Variants in NLRP11 observed in about 807,000 individuals in gnomAD.
The protein encoded by NLRP11 is NLR family pyrin domain containing 11.
In NLRP11, 53 loss-of-function variants were observed where a neutral mutation model predicts 79.3. The ratio of observed to expected loss-of-function variants is 0.67; its 90% CI spans 0.54 to 0.84. The LOEUF is 0.84. Ranked by LOEUF, NLRP11 falls within the 40% of genes least tolerant of loss-of-function variation. NLRP11 has a pLI of 0.00. For missense variants in NLRP11, 1,264 were observed against 1,255.0 expected (o/e 1.01, Z -0.11); for synonymous variants, 518 against 462.6 (o/e 1.12, Z -1.54).
chr19:55,818,849 G>A (rs1282510121), intron 1 of NLRP11, among the ~76,000 whole-genome samples: 3 of 152,012 alleles, frequency 2.0e-5, no homozygotes, highest in African/African-American at 7.3e-5. Flanking sequence ...ACAGCCCCTA[G>A]GTTATTTTTT....
intron 6 of NLRP11, among the ~76,000 whole-genome samples, chr19:55,792,761 G>A (rs935438251): frequency 7.2e-5 from 11 of 152,152 alleles, no homozygotes; most frequent in East Asian, 3.8e-4. Context: ...TTCTCCCATC[G>A]TTTGATAAAG....
chr19:55,788,078 G>A (rs780853537), intron 9 of NLRP11, among the ~76,000 whole-genome samples: 4 of 152,174 alleles, frequency 2.6e-5, no homozygotes, highest in Non-Finnish European at 5.9e-5. Flanking sequence ...CAAGTTGGTG[G>A]TAACATACTT....
intron 1 of NLRP11, among the ~76,000 whole-genome samples, chr19:55,823,798 G>C (rs1982048678): frequency 6.7e-6 from 1 of 148,580 alleles, no homozygotes; most frequent in African/African-American, 2.5e-5. Flanking sequence ...TGGTGTACCT[G>C]AAAGTGATGG....
chr19:55,800,909 G>A (rs1979415316), intron 5 of NLRP11: 1 of 152,236 alleles, frequency 6.6e-6, no homozygotes, highest in African/African-American at 2.4e-5. Flanking sequence ...GCTGGGCACA[G>A]TGGCTCACAC....
In NLRP11 at chr19:55,809,352, C is replaced by T; in HGVS notation, c.1258G>A (p.Val420Ile). Residue 420 changes from valine (V) to isoleucine (I), a missense_variant, in exon 3 of 10, where the codon GTT becomes ATT. Physicochemically the swap from Val to Ile is conservative, Grantham distance 29. Coordinates refer to ENST00000589093, the Ensembl canonical transcript of NLRP11. This position sits in a 1 kb window ranked among gnomAD's most constrained non-coding sequence, Gnocchi z 4.5. ...GAGACATCAGCCTCAGTAAACCCAA[C>T]ACATCTGAGGTCTTCACCACTGAAA... The T allele has an allele frequency of 6.2e-7, 1 of 1,614,176 alleles. No individual in the cohort carries two copies. The highest frequency in any genetic ancestry group is 1.1e-5 in the South Asian group (1 of 91,078).
exon 9 of NLRP11, chr19:55,788,932 G>A: frequency 6.2e-7 from 1 of 1,613,856 alleles, no homozygotes; most frequent in African/African-American, 1.3e-5. Flanking sequence ...TAAGAACAGA[G>A]GCAAGAGATC....
chr19:55,810,697 C>T (rs1285379988), intron 2 of NLRP11, among the ~76,000 whole-genome samples: 3 of 152,170 alleles, frequency 2.0e-5, no homozygotes, highest in East Asian at 3.9e-4. Flanking sequence ...AGGGTTTTGC[C>T]ATGTTAGCCA....
intron 1 of NLRP11, among the ~76,000 whole-genome samples, chr19:55,822,277 A>G (rs186673934): frequency 7.8e-4 from 119 of 151,994 alleles, no homozygotes; most frequent in African/African-American, 2.7e-3. Context: ...AAGAAATAAA[A>G]AAAGATTGCC....
Position 55,809,107 on chromosome 19 carries a change from T to C in NLRP11, c.1503A>G (p.Ala501=). 6.2e-7 allele frequency: 1 copy of C among 1,613,968 alleles called. No homozygotes were observed. Among genetic ancestry groups the C allele is most frequent in the East Asian group, 2.2e-5 (1 of 44,886 alleles). ...ATGTCTCAAGAATCTTTCTCCTGTT[T>C]GCATTTAGAAGACCAAAAATGAAAG... The change falls in exon 3 of 10, where the codon GCA becomes GCG. Residue 501 remains alanine, a synonymous_variant. Coordinates refer to ENST00000589093, the Ensembl canonical transcript of NLRP11. The surrounding 1 kb of genome is among the most constrained non-coding windows in gnomAD (Gnocchi z 4.5).
intron 1 of NLRP11, among the ~76,000 whole-genome samples, chr19:55,823,446 C>G (rs1284098085): frequency 2.9e-5 from 4 of 139,870 alleles, no homozygotes; most frequent in South Asian, 2.2e-4. Context: ...AAGAAGGCTT[C>G]AGACGATCAA....
chr19:55,789,172 G>A, intron 8 of NLRP11, 57 bp downstream of exon 8: 1 of 1,530,378 alleles, frequency 6.5e-7, no homozygotes, highest in South Asian at 1.2e-5. Context: ...TTCCTCTTGT[G>A]CTTTTCTTCA....
upstream of NLRP11, among the ~76,000 whole-genome samples, chr19:55,835,003 C>T (rs1983110697): frequency 6.6e-6 from 1 of 152,122 alleles, no homozygotes; most frequent in Non-Finnish European, 1.5e-5. Context: ...CCTGAGGATG[C>T]AACGGGCATG....
upstream of NLRP11, among the ~76,000 whole-genome samples, chr19:55,834,565 G>A (rs1352816688): frequency 6.6e-6 from 1 of 152,184 alleles, no homozygotes; most frequent in Non-Finnish European, 1.5e-5. Context: ...AACCACTTCT[G>A]AAGAGGCAAC....
chr19:55,793,726 T>C (rs1388368319), intron 6 of NLRP11, among the ~76,000 whole-genome samples: 2 of 152,048 alleles, frequency 1.3e-5, no homozygotes, highest in African/African-American at 4.8e-5. Context: ...TTAGAATGAT[T>C]TTTGTGCTTT....
At chr19:55,803,187 A>T (rs1479864706) in intron 4 of NLRP11, among the ~76,000 whole-genome samples, 2 of 152,250 alleles carry the variant, frequency 1.3e-5, no homozygotes, top group Middle Eastern at 3.4e-3. Flanking sequence ...CCTCTACTAA[A>T]AACACAAAAA....
chr19:55,796,835 T>G (rs768756862), intron 5 of NLRP11, among the ~76,000 whole-genome samples: 1 of 152,084 alleles, frequency 6.6e-6, no homozygotes, highest in Non-Finnish European at 1.5e-5. Flanking sequence ...ATTACAGGCA[T>G]GCGTTACCAC....
At chr19:55,822,705 T>C (rs1437380435) in intron 1 of NLRP11, among the ~76,000 whole-genome samples, 2 of 152,150 alleles carry the variant, frequency 1.3e-5, no homozygotes, top group African/African-American at 4.8e-5. Context: ...CTTTTCTGAC[T>C]GGCTTAAAAA....
At chr19:55,833,765 CAAAAAAA>C (rs71182919), upstream of NLRP11, among the ~76,000 whole-genome samples, 10 of 23,484 alleles carry the variant, frequency 4.3e-4, no homozygotes, top group Admixed American at 2.4e-3. Flanking sequence ...GACTCCGTCT[CAAAAAAA>C]AAAAAAAAAA....
At chr19:55,822,787 T>C (rs1465135111) in intron 1 of NLRP11, among the ~76,000 whole-genome samples, 1 of 151,926 alleles carries the variant, frequency 6.6e-6, no homozygotes, top group African/African-American at 2.4e-5. Flanking sequence ...CGCTGATTGC[T>C]AGCACAGCAG....
Sources: gnomAD v4.1 joint callset for allele counts (sites outside exome capture counted in the v4.1 genomes callset) on GRCh38, gnomAD v4.1.1 for gene constraint, Gnocchi (gnomAD v3.1) non-coding constraint, MANE v1.5 for transcripts, NCBI Gene and HGNC (gene_info 2026-07-23, HGNC 2026-07-21) for gene names.